The following LARP4B variants were observed in gnomAD, a reference collection of about 807,000 sequenced individuals.
LARP4B encodes La ribonucleoprotein 4B, also known as la-related protein 4B.
Under a neutral mutation model 89.8 loss-of-function variants are expected in LARP4B, and 12 were observed. That is an observed-to-expected ratio of 0.13 (90% CI 0.09 to 0.22). The LOEUF (loss-of-function observed/expected upper bound fraction) is 0.22, where lower values mean the gene tolerates loss of function less well. Among genes scored for constraint, LARP4B ranks in the 10% least tolerant of loss-of-function variants. LARP4B has a pLI of 1.00. For synonymous variants in LARP4B, 367 were observed against 363.3 expected, an observed-to-expected ratio of 1.01 and a Z score of -0.12; for missense variants, 757 against 947.7, an observed-to-expected ratio of 0.80 and a Z score of 2.64.
intron 1 of LARP4B, among the ~76,000 whole-genome samples, chr10:928,754 G>T (rs11594908): frequency 0.13 from 20,279 of 152,004 alleles, 1,749 homozygotes; most frequent in East Asian, 0.3. Flanking sequence ...CTAATTTTTT[G>T]ATTTTTTGGT....
chr10:908,551 C>A (rs1238168133), intron 1 of LARP4B, among the ~76,000 whole-genome samples: 2 of 152,104 alleles, frequency 1.3e-5, no homozygotes, highest in African/African-American at 4.8e-5. Flanking sequence ...GGACCTGACA[C>A]TATCTCCAGG....
intron 1 of LARP4B, among the ~76,000 whole-genome samples, chr10:908,817 T>C (rs992005818): frequency 2.6e-5 from 4 of 152,184 alleles, no homozygotes; most frequent in Non-Finnish European, 5.9e-5. Flanking sequence ...CAAGTTCATC[T>C]ACAAACAAGA....
At chr10:820,946 GTCTT>G in intron 13 of LARP4B, 101 bp from the exon 14 acceptor site, 1 of 993,544 alleles carries the variant, frequency 1.0e-6, no homozygotes, top group East Asian at 2.4e-5. Flanking sequence ...CATCAATTCA[GTCTT>G]TATCACTTTG....
the LARP4B span, among the ~76,000 whole-genome samples, chr10:951,501 G>C: frequency 1.3e-5 from 2 of 151,902 alleles, no homozygotes; most frequent in African/African-American, 4.8e-5. Context: ...AGCCGAGATC[G>C]CGCCACTGCA....
chr10:863,475 C>T (rs1225092387), intron 5 of LARP4B, among the ~76,000 whole-genome samples: 4 of 152,022 alleles, frequency 2.6e-5, no homozygotes, highest in South Asian at 4.1e-4. Flanking sequence ...GTGATCTGCC[C>T]GCCTCGGCCT....
At chr10:962,388 G>A in the LARP4B span, among the ~76,000 whole-genome samples, 2 of 151,986 alleles carry the variant, frequency 1.3e-5, no homozygotes, top group Admixed American at 6.6e-5. Context: ...CCTCATATAG[G>A]CCCTGTCTGC....
chr10:912,076 G>A (rs1197373073), intron 1 of LARP4B, among the ~76,000 whole-genome samples: 5 of 152,230 alleles, frequency 3.3e-5, no homozygotes, highest in African/African-American at 4.8e-5. Flanking sequence ...TGTCCTTGCA[G>A]TGAGAAGCAC....
chr10:883,621 G>T (rs1835755724), intron 3 of LARP4B, among the ~76,000 whole-genome samples: 1 of 151,426 alleles, frequency 6.6e-6, no homozygotes, highest in South Asian at 2.1e-4. Context: ...GGTGTCTTTT[G>T]TTTTTTTAAA....
At chr10:884,650 G>A in intron 2 of LARP4B, 144 bp from the exon 3 acceptor site, 1 of 581,132 alleles carries the variant, frequency 1.7e-6, no homozygotes, top group South Asian at 2.4e-5. Flanking sequence ...AAGATATTCA[G>A]AATGTAGGAG....
chr10:959,893 ACCT>A, the LARP4B span, among the ~76,000 whole-genome samples: 2 of 86,232 alleles, frequency 2.3e-5, no homozygotes, highest in Non-Finnish European at 4.7e-5. Flanking sequence ...TCGTCAATCC[ACCT>A]CCTCCTCAAT....
In LARP4B at chr10:822,797, C is replaced by T. The variant is rs1294402036; in HGVS notation, c.1485-1952G>A. Reference sequence around the variant, plus strand: ...TTCCCCCAGCTGATCCTAACAGTAGCTCCACCAAGGCAGCCACCTGGCGCC... The same window carrying T: ...TTCCCCCAGCTGATCCTAACAGTAGTTCCACCAAGGCAGCCACCTGGCGCC... On this transcript the variant is annotated intron_variant, in intron 13 of 17. Transcript: ENST00000316157. This position sits in a 1 kb window ranked among gnomAD's most constrained non-coding sequence, Gnocchi z 4.6. Among the ~76,000 whole-genome samples, 1 of 152,218 alleles carries T rather than the reference C, an allele frequency of 6.6e-6. No homozygotes were observed.
At chr10:881,217 A>G (rs1835654395) in intron 3 of LARP4B, among the ~76,000 whole-genome samples, 1 of 152,170 alleles carries the variant, frequency 6.6e-6, no homozygotes, top group African/African-American at 2.4e-5. Context: ...GCTGTGGCCC[A>G]CTGCCAGTGG....
chr10:853,920 A>C (rs1347023491), intron 5 of LARP4B, among the ~76,000 whole-genome samples: 2 of 152,136 alleles, frequency 1.3e-5, no homozygotes, highest in African/African-American at 4.8e-5. Context: ...ATGCTGTTTG[A>C]TATCATTTTG....
At chr10:915,204 G>A (rs920828921) in intron 1 of LARP4B, among the ~76,000 whole-genome samples, 1 of 151,990 alleles carries the variant, frequency 6.6e-6, no homozygotes, top group African/African-American at 2.4e-5. Flanking sequence ...AGGATCACTT[G>A]AGCCCAGGAG....
the LARP4B span, among the ~76,000 whole-genome samples, chr10:962,846 C>T: frequency 1.3e-5 from 2 of 152,086 alleles, no homozygotes; most frequent in African/African-American, 2.4e-5. Context: ...TGACTTCTGC[C>T]GTAGCCTCAG....
intron 7 of LARP4B, among the ~76,000 whole-genome samples, chr10:839,245 TA>T (rs1833392546): frequency 6.6e-6 from 1 of 152,244 alleles, no homozygotes; most frequent in South Asian, 2.1e-4. Flanking sequence ...AACCCTTATG[TA>T]AACTGTGGAC....
At chr10:915,455 G>A (rs1028916352) in intron 1 of LARP4B, among the ~76,000 whole-genome samples, 1 of 152,074 alleles carries the variant, frequency 6.6e-6, no homozygotes, top group Admixed American at 6.6e-5. Flanking sequence ...GTCTCATGTC[G>A]TCTTTTTAGG....
At chr10:957,522 T>G in the LARP4B span, among the ~76,000 whole-genome samples, 1 of 152,202 alleles carries the variant, frequency 6.6e-6, no homozygotes, top group Admixed American at 6.5e-5. Context: ...TTTTAGATAC[T>G]TATATGAATT....
chr10:827,048 G>T (rs1336195597), intron 11 of LARP4B, among the ~76,000 whole-genome samples: 4 of 152,272 alleles, frequency 2.6e-5, no homozygotes, highest in African/African-American at 7.2e-5. Flanking sequence ...GCCAAGGGGG[G>T]GCGGATCAAA....
Sources: gnomAD v4.1 joint callset for allele counts (sites outside exome capture counted in the v4.1 genomes callset) on GRCh38, gnomAD v4.1.1 for gene constraint, Gnocchi (gnomAD v3.1) non-coding constraint, MANE v1.5 for transcripts, NCBI Gene and HGNC (gene_info 2026-07-23, HGNC 2026-07-21) for gene names.